PRSS35: variants seen among roughly 807,000 people sequenced by gnomAD.
PRSS35 encodes the protein inactive serine protease 35.
A neutral mutation model predicts 8.1 loss-of-function variants in PRSS35; 7 were observed. The ratio of observed to expected loss-of-function variants is 0.86; its 90% confidence interval spans 0.49 to 1.62. PRSS35 has a LOEUF of 1.62. PRSS35 is among the 40% of genes most tolerant of loss of function. The pLI is 0.00. For missense variants in PRSS35, 566 were observed against 518.0 expected (o/e 1.09, Z -0.90); for synonymous variants, 199 against 188.7 (o/e 1.05, Z -0.45).
chr6:83,517,778 T>C (rs929692171), intron 1 of PRSS35, among the ~76,000 whole-genome samples: 14 of 152,174 alleles, frequency 9.2e-5, no homozygotes, highest in African/African-American at 3.1e-4. Context: ...GATGGCTAAA[T>C]AGAGGACAGC....
Position 83,525,284 on chromosome 6 carries a change from A to G in PRSS35, c.*601A>G, listed in dbSNP as rs999163616. The G allele has an allele frequency of 3.6e-5, 6 of 166,978 alleles. No homozygotes were observed. Among genetic ancestry groups the G allele is most frequent in the African/African-American group, 1.2e-4 (5 of 41,464 alleles). 10.3% of individuals were successfully genotyped at this position (166,978 alleles called of 1,614,324 possible). On this transcript the variant is annotated 3_prime_UTR_variant, in exon 2 of 2. Coordinates refer to ENST00000369700, the MANE Select transcript of PRSS35 (RefSeq NM_153362.3). ...AAAGCAAGCATTATAAACAAAACTA[A>G]TAACTGTTTTACTGCTTTAAGAAAT... is the stretch of plus-strand genomic sequence containing the variant.
Position 83,525,557 on chromosome 6 carries a change from G to T in PRSS35, c.*874G>T, listed in dbSNP as rs973379882. 1 of 167,068 alleles carries T rather than the reference G, an allele frequency of 6.0e-6. No homozygotes were observed. The highest frequency in any genetic ancestry group is 2.4e-5 in the African/African-American group (1 of 41,462). The allele number at this position is 167,068 out of a possible 1,614,324, so 10.3% of individuals were successfully genotyped here. ...TGAGGTGCTACATTTTTAGGACAAA[G>T]AATTCTGTAATCTTTTTCAAGAAAG... On this transcript the variant is annotated 3_prime_UTR_variant, in exon 2 of 2. Transcript: ENST00000369700.
intron 1 of PRSS35, among the ~76,000 whole-genome samples, chr6:83,520,887 G>A (rs368187881): frequency 6.6e-6 from 1 of 152,210 alleles, no homozygotes; most frequent in East Asian, 1.9e-4. Flanking sequence ...TTTTGCCCAG[G>A]AATGCCTTTC....
rs574996749 is a variant in PRSS35, at chr6:83,524,235, G to T, written c.794G>T (p.Arg265Leu). The T allele has an allele frequency of 6.2e-7, 1 of 1,614,112 alleles. No individual in the cohort carries two copies. Among genetic ancestry groups the T allele is most frequent in the Admixed American group, 1.7e-5 (1 of 60,010 alleles). ...KNTHIPKGWA[R>L]GGMGDATLDY... ...ACCCACATTCCGAAGGGCTGGGCAC[G>T]AGGAGGCATGGGGGACGCTACCTTG... The change falls in exon 2 of 2, where the codon CGA (arginine) becomes CTA (leucine). Residue 265 changes from arginine to leucine, a missense_variant. Coordinates refer to ENST00000369700, the MANE Select transcript of PRSS35 (RefSeq NM_153362.3).
At chr6:83,513,944 CAGACTCAG>C (rs1771668898) in intron 1 of PRSS35, among the ~76,000 whole-genome samples, 1 of 152,156 alleles carries the variant, frequency 6.6e-6, no homozygotes, top group Admixed American at 6.5e-5. Flanking sequence ...ACAGTAGGAT[CAGACTCAG>C]AATTTGGGAG....
Position 83,524,155 on chromosome 6 carries a change from G to T in PRSS35, c.714G>T (p.Arg238=), listed in dbSNP as rs762615531. The T allele has an allele frequency of 1.2e-6, 2 of 1,614,094 alleles. No individual in the cohort carries two copies. The highest frequency in any genetic ancestry group is 1.7e-6 in the Non-Finnish European group (2 of 1,180,014). The change falls in exon 2 of 2, where the codon CGG becomes CGT. Residue 238 remains arginine (R), a synonymous_variant. Coordinates refer to ENST00000369700, the MANE Select transcript of PRSS35 (RefSeq NM_153362.3). ...KGGRRRKKSG[R]GQRIAEGRPS... ...GGAGAAGAAGAAAAAAATCTGGCCG[G>T]GGTCAGAGGATTGCCGAAGGGAGGC...
intron 1 of PRSS35, among the ~76,000 whole-genome samples, chr6:83,518,962 A>G (rs1420322225): frequency 6.6e-6 from 1 of 152,212 alleles, no homozygotes; most frequent in Non-Finnish European, 1.5e-5. Flanking sequence ...ATGCCTCATA[A>G]GTGGTGAAAA....
Position 83,524,743 on chromosome 6 carries a change from C to T in PRSS35, c.*60C>T. 1.3e-6 allele frequency: 2 copies of T among 1,486,962 alleles called. No homozygotes were observed. The highest frequency in any genetic ancestry group is 1.8e-6 in the Non-Finnish European group (2 of 1,105,072). 92.1% of individuals were successfully genotyped at this position (1,486,962 alleles called of 1,614,324 possible). A position where few individuals can be genotyped will look rare whatever the true frequency, so the allele number is the denominator to read the frequency against. ...TCACAGAGAAAACCAGCTCTGCTTA[C>T]CGTAGTGAGATCACTTCATAGGTTA... On this transcript the variant is annotated 3_prime_UTR_variant, in exon 2 of 2. Coordinates refer to ENST00000369700, the MANE Select transcript of PRSS35 (RefSeq NM_153362.3).
At position 83,513,533 on chromosome 6, in the gene PRSS35, T is replaced by C. The variant is rs1487105930; in HGVS notation, c.-21+839T>C. On this transcript the variant is annotated intron_variant, in intron 1 of 1. Transcript: ENST00000369700. ...TCCACAGAGGATTATAAAAGTCATATTTTGCTGGCTGGAGAATTATACTTA... is the reference window on the plus strand; with the variant it reads ...TCCACAGAGGATTATAAAAGTCATACTTTGCTGGCTGGAGAATTATACTTA... Among the ~76,000 whole-genome samples, 4 of 152,224 alleles carry C rather than the reference T, an allele frequency of 2.6e-5. No individual in the cohort carries two copies. In the East Asian group the frequency reaches 7.7e-4, roughly 29 times the overall value.
chr6:83,518,152 G>A (rs939645720), intron 1 of PRSS35, among the ~76,000 whole-genome samples: 1 of 152,052 alleles, frequency 6.6e-6, no homozygotes, highest in African/African-American at 2.4e-5. Context: ...TTAATATAGT[G>A]GGCAGCCATC....
chr6:83,521,739 C>T (rs1771826149), intron 1 of PRSS35, among the ~76,000 whole-genome samples: 1 of 151,966 alleles, frequency 6.6e-6, no homozygotes, highest in African/African-American at 2.4e-5. Flanking sequence ...TGTATTCAAG[C>T]AATCCTCCGA....
intron 1 of PRSS35, 37 bp from the exon 2 acceptor site, chr6:83,523,385 G>A: frequency 6.8e-7 from 1 of 1,461,674 alleles, no homozygotes; most frequent in South Asian, 1.3e-5. Flanking sequence ...ATTTAAAAAG[G>A]AAACATTATA....
Position 83,524,576 on chromosome 6 carries a change from C to T in PRSS35, c.1135C>T (p.His379Tyr). 6.2e-7 allele frequency: 1 copy of T among 1,614,124 alleles called. No homozygotes were observed. Among genetic ancestry groups the T allele is most frequent in the African/African-American group, 1.3e-5 (1 of 75,040 alleles). ...CTCAGGGCACCAGTGGGTGGATGTC[C>T]ACGGGGTTCAGAAGGACTACAACGT... ...VYSGHQWVDV[H>Y]GVQKDYNVAV... The change falls in exon 2 of 2, where the codon CAC becomes TAC. Residue 379 changes from histidine (H) to tyrosine (Y), a missense_variant. By Grantham distance (83) the His-to-Tyr change is moderately conservative. Transcript: ENST00000369700.
At chr6:83,517,284 A>G (rs1013730694) in intron 1 of PRSS35, among the ~76,000 whole-genome samples, 4 of 152,330 alleles carry the variant, frequency 2.6e-5, no homozygotes, top group Middle Eastern at 3.4e-3. Context: ...CCCCATAATC[A>G]TTGAAACACC....
chr6:83,517,653 A>G (rs1771748562), intron 1 of PRSS35, among the ~76,000 whole-genome samples: 1 of 152,182 alleles, frequency 6.6e-6, no homozygotes, highest in South Asian at 2.1e-4. Flanking sequence ...TTGTGTGTCA[A>G]TCCTGAGTAG....
intron 1 of PRSS35, among the ~76,000 whole-genome samples, chr6:83,516,752 T>G (rs7452094): frequency 6.6e-6 from 1 of 151,990 alleles, no homozygotes; most frequent in African/African-American, 2.4e-5. Flanking sequence ...GCCACTCATA[T>G]TCCTCAGCTC....
chr6:83,516,248 A>G (rs1406564257), intron 1 of PRSS35, among the ~76,000 whole-genome samples: 1 of 152,178 alleles, frequency 6.6e-6, no homozygotes, highest in Non-Finnish European at 1.5e-5. Flanking sequence ...AAAACAACAC[A>G]AATTTATTAT....
chr6:83,517,196 AT>A (rs1335166080), intron 1 of PRSS35, among the ~76,000 whole-genome samples: 1 of 152,206 alleles, frequency 6.6e-6, no homozygotes, highest in Non-Finnish European at 1.5e-5. Context: ...GTCTAGAGAG[AT>A]TAGGTAACCT....
rs575677083 is a variant in PRSS35 at position 83,524,157 on chromosome 6, G to A, written c.716G>A (p.Gly239Asp). ...AGAAGAAGAAAAAAATCTGGCCGGG[G>A]TCAGAGGATTGCCGAAGGGAGGCCT... ...GGRRRKKSGR[G>D]QRIAEGRPSF... is the part of the protein sequence containing the mutation. The change falls in exon 2 of 2, where the codon GGT becomes GAT. Residue 239 changes from glycine to aspartate, a missense_variant. By Grantham distance (94) the Gly-to-Asp change is moderately conservative (BLOSUM62 -1). Coordinates refer to ENST00000369700, the MANE Select transcript of PRSS35 (RefSeq NM_153362.3). 1.1e-5 allele frequency: 18 copies of A among 1,614,128 alleles called. No homozygotes were observed. The highest frequency in any genetic ancestry group is 4.4e-5 in the South Asian group (4 of 91,072).
Sources: gnomAD v4.1 joint callset for allele counts (sites outside exome capture counted in the v4.1 genomes callset) on GRCh38, gnomAD v4.1.1 for gene constraint, MANE v1.5 for transcripts, NCBI Gene and HGNC (gene_info 2026-07-23, HGNC 2026-07-21) for gene names.